NDUFA10: variants seen among roughly 807,000 people sequenced by gnomAD.
NDUFA10 encodes NADH dehydrogenase [ubiquinone] 1 alpha subcomplex subunit 10, mitochondrial.
In NDUFA10, 40 loss-of-function variants were observed where a neutral mutation model predicts 47.8. The observed-to-expected ratio is 0.84, with a 90% CI of 0.65 to 1.09. NDUFA10 has a LOEUF of 1.09. Ranked by LOEUF, NDUFA10 falls within the 50% of genes least tolerant of loss-of-function variation. NDUFA10 has a pLI of 0.00. For missense variants in NDUFA10, 413 were observed against 451.1 expected, an observed-to-expected ratio of 0.92 and a Z score of 0.76; for synonymous variants, 183 against 172.2, an observed-to-expected ratio of 1.06 and a Z score of -0.49.
chr2:240,021,271 T>G lies in NDUFA10; in HGVS notation c.386A>C (p.Tyr129Ser). 6.2e-7 allele frequency: 1 copy of G among 1,614,220 alleles called. No individual in the cohort carries two copies. Among genetic ancestry groups the G allele is most frequent in the Non-Finnish European group, 8.5e-7 (1 of 1,180,038 alleles). ...GCTGTACAACCAGGACTGCAGGCGG[T>G]AACTGTTGCCATCATTGCTTCTCGG... is the stretch of plus-strand genomic sequence containing the variant. ...DDPRSNDGNS[Y>S]RLQSWLYSSR... The change falls in exon 3 of 10, where the codon TAC becomes TCC. Residue 129 changes from tyrosine to serine, a missense_variant. Physicochemically the swap from Tyr to Ser is moderately radical, Grantham distance 144. Transcript: ENST00000252711.
intron 9 of NDUFA10, among the ~76,000 whole-genome samples, chr2:239,973,353 T>TG (rs1312148627): frequency 6.6e-6 from 1 of 152,212 alleles, no homozygotes; most frequent in African/African-American, 2.4e-5. Context: ...CTGATCCTAG[T>TG]GCCTTTCTGT....
chr2:239,953,312 G>A (rs954093511), downstream of NDUFA10, among the ~76,000 whole-genome samples: 1 of 152,174 alleles, frequency 6.6e-6, no homozygotes, highest in Admixed American at 6.5e-5. Context: ...AGGAAAGCTG[G>A]GAAGGCCAGG....
intron 9 of NDUFA10, among the ~76,000 whole-genome samples, chr2:239,961,468 G>A (rs1348698898): frequency 6.6e-6 from 1 of 152,204 alleles, no homozygotes; most frequent in East Asian, 1.9e-4. Flanking sequence ...AGGGTGACAA[G>A]AGCCACAGGA....
At chr2:239,922,723 T>C (rs1310402219) in intron 4 of NDUFA10, among the ~76,000 whole-genome samples, 1 of 152,186 alleles carries the variant, frequency 6.6e-6, no homozygotes, top group Non-Finnish European at 1.5e-5. Context: ...TGGTTTAAAA[T>C]TGATGAGGCA....
At chr2:240,002,833 C>T (rs1227497879) in intron 8 of NDUFA10, among the ~76,000 whole-genome samples, 1 of 152,064 alleles carries the variant, frequency 6.6e-6, no homozygotes, top group African/African-American at 2.4e-5. Flanking sequence ...CTTATTAATG[C>T]TGTACTAAAA....
At chr2:239,939,691 T>C (rs1035680884) in intron 4 of NDUFA10, among the ~76,000 whole-genome samples, 3 of 152,192 alleles carry the variant, frequency 2.0e-5, no homozygotes, top group African/African-American at 7.2e-5. Flanking sequence ...ACAGCTATCC[T>C]AGCCAAAGAG....
At chr2:240,011,733 T>TA in intron 5 of NDUFA10, 37 bp from the exon 6 acceptor site, 1 of 1,522,114 alleles carries the variant, frequency 6.6e-7, no homozygotes, top group Non-Finnish European at 9.1e-7. Flanking sequence ...GGGAAACATT[T>TA]AGAGTTCATT....
intron 9 of NDUFA10, among the ~76,000 whole-genome samples, chr2:239,967,277 G>A (rs1443401938): frequency 6.6e-6 from 1 of 152,188 alleles, no homozygotes; most frequent in Admixed American, 6.5e-5. Context: ...TTTATACCAG[G>A]CTCTTGGCCT....
intron 4 of NDUFA10, chr2:240,018,326 C>G (rs1285883796): frequency 1.5e-5 from 20 of 1,328,950 alleles, no homozygotes; most frequent in Non-Finnish European, 2.1e-5. Context: ...GGGCTCCAAT[C>G]TGCTTTCACA....
intron 4 of NDUFA10, among the ~76,000 whole-genome samples, chr2:239,948,132 T>C (rs915516624): frequency 2.0e-5 from 3 of 152,318 alleles, no homozygotes; most frequent in African/African-American, 7.2e-5. Flanking sequence ...AGGTTCAGGA[T>C]TGTGTACAAT....
intron 4 of NDUFA10, among the ~76,000 whole-genome samples, chr2:239,940,640 T>TTG (rs1694345301): frequency 6.6e-6 from 1 of 152,084 alleles, no homozygotes. Flanking sequence ...GGAACACATT[T>TTG]GAAATTTAGT....
chr2:239,977,462 C>T (rs1355896689), intron 9 of NDUFA10, among the ~76,000 whole-genome samples: 1 of 152,190 alleles, frequency 6.6e-6, no homozygotes, highest in Non-Finnish European at 1.5e-5. Flanking sequence ...AAGAGGCAGC[C>T]AGGCCCTTCA....
intron 4 of NDUFA10, among the ~76,000 whole-genome samples, chr2:239,923,877 G>A (rs1307559628): frequency 1.3e-5 from 2 of 152,060 alleles, no homozygotes; most frequent in Non-Finnish European, 2.9e-5. Flanking sequence ...AGGAAAAAGA[G>A]AGAAGACACA....
intron 8 of NDUFA10, among the ~76,000 whole-genome samples, chr2:239,991,010 G>A (rs758160728): frequency 6.6e-6 from 1 of 152,120 alleles, no homozygotes; most frequent in African/African-American, 2.4e-5. Flanking sequence ...AAAAGCAGGA[G>A]ACGTTTCTCA....
At chr2:239,979,131 A>T (rs1034167469) in intron 9 of NDUFA10, among the ~76,000 whole-genome samples, 8 of 152,186 alleles carry the variant, frequency 5.3e-5, no homozygotes, top group Non-Finnish European at 1.0e-4. Flanking sequence ...TCCATCAGTA[A>T]ATTAAATTAA....
chr2:239,995,465 CA>C (rs1696435436), intron 8 of NDUFA10, among the ~76,000 whole-genome samples: 1 of 151,962 alleles, frequency 6.6e-6, no homozygotes, highest in Non-Finnish European at 1.5e-5. Flanking sequence ...AAAGTACAAT[CA>C]AGATGTTAAG....
intron 4 of NDUFA10, among the ~76,000 whole-genome samples, chr2:239,905,566 G>A (rs956312448): frequency 1.3e-5 from 2 of 152,192 alleles, no homozygotes; most frequent in Non-Finnish European, 2.9e-5. Context: ...TGTTCTTCAC[G>A]GGATGCTGCC....
intron 6 of NDUFA10, among the ~76,000 whole-genome samples, chr2:240,008,064 A>T (rs1697013450): frequency 6.6e-6 from 1 of 152,224 alleles, no homozygotes; most frequent in African/African-American, 2.4e-5. Flanking sequence ...GACCATCTTC[A>T]ACAGACCACT....
intron 4 of NDUFA10, among the ~76,000 whole-genome samples, chr2:239,915,698 T>G (rs1418710700): frequency 7.7e-6 from 1 of 129,942 alleles, no homozygotes; most frequent in Non-Finnish European, 1.6e-5. Context: ...AACACACACA[T>G]ACATACACAG....
Sources: gnomAD v4.1 joint callset for allele counts (sites outside exome capture counted in the v4.1 genomes callset) on GRCh38, gnomAD v4.1.1 for gene constraint, MANE v1.5 for transcripts, NCBI Gene and HGNC (gene_info 2026-07-23, HGNC 2026-07-21) for gene names.